KIF13A: variants seen among roughly 807,000 people sequenced by gnomAD.
The protein encoded by KIF13A is kinesin-like protein KIF13A.
In KIF13A, 79 loss-of-function variants were observed where a neutral mutation model predicts 212.2. That is an observed-to-expected ratio of 0.37 (90% CI 0.31 to 0.45). The LOEUF (loss-of-function observed/expected upper bound fraction) is 0.45. Among genes scored for constraint, KIF13A ranks in the 20% least tolerant of loss-of-function variants. The probability of loss-of-function intolerance (pLI) is 1.00; values close to 1 mark genes in which losing one functional copy is unlikely to be tolerated. For synonymous variants in KIF13A, 789 were observed against 808.6 expected (o/e 0.98, Z 0.41); for missense variants, 1,901 against 2,209.0 (o/e 0.86, Z 2.79).
chr6:17,805,560 G>T lies in KIF13A; in HGVS notation c.2219C>A (p.Thr740Asn). 6.2e-7 allele frequency: 1 copy of T among 1,613,228 alleles called. No homozygotes were observed. Among genetic ancestry groups the T allele is most frequent in the Non-Finnish European group, 8.5e-7 (1 of 1,179,504 alleles). ...AIQVRRKGKS[T>N]QVWTIEKLEN... Reference sequence around the variant, plus strand: ...CAGCTTCTCAATGGTCCACACTTGGGTGCTCTTTCCTTTCCTCCTCACTTG... The same window carrying T: ...CAGCTTCTCAATGGTCCACACTTGGTTGCTCTTTCCTTTCCTCCTCACTTG... Residue 740 changes from threonine to asparagine, a missense_variant, in exon 19 of 39, where the codon ACC (threonine) becomes AAC (asparagine). Coordinates refer to ENST00000259711, the MANE Select transcript of KIF13A (RefSeq NM_022113.6).
At chr6:17,869,924 T>C (rs1171097424) in intron 4 of KIF13A, among the ~76,000 whole-genome samples, 1 of 152,212 alleles carries the variant, frequency 6.6e-6, no homozygotes. Context: ...TCAGGAAATA[T>C]GTGCTTCCCC....
chr6:17,975,465 T>C (rs1404397143), intron 2 of KIF13A, among the ~76,000 whole-genome samples: 3 of 152,170 alleles, frequency 2.0e-5, no homozygotes, highest in Admixed American at 6.5e-5. Flanking sequence ...GCTACAGACC[T>C]TCAGCGGTGA....
chr6:17,938,226 C>T (rs1411070247), intron 2 of KIF13A, among the ~76,000 whole-genome samples: 1 of 152,078 alleles, frequency 6.6e-6, no homozygotes, highest in African/African-American at 2.4e-5. Context: ...GCAATTGCTA[C>T]ATTTAATGCA....
Position 17,839,611 on chromosome 6 carries a change from CCCTATTTGGAAA to C in KIF13A, c.831-2040_831-2029del, listed in dbSNP as rs967720313. ...TGTCCGCCAGACCCTCAGAATGTGA[CCCTATTTGGAAA>C]AAGGGTCCTTGCAGATGTAATCAGT... On this transcript the variant is annotated intron_variant, in intron 9 of 38. Transcript: ENST00000259711. The surrounding 1 kb of genome is among the most constrained non-coding windows in gnomAD (Gnocchi z 4.3). Among the ~76,000 whole-genome samples, 4 of 152,084 alleles carry C rather than the reference CCCTATTTGGAAA, an allele frequency of 2.6e-5. No homozygotes were observed. Among genetic ancestry groups the C allele is most frequent in the Non-Finnish European group, 5.9e-5 (4 of 68,012 alleles).
In KIF13A at chr6:17,769,498, T is replaced by A. The variant is rs1759306675; in HGVS notation, c.4581+1616A>T. Among the ~76,000 whole-genome samples the A allele has an allele frequency of 6.6e-6, 1 of 152,198 alleles. No homozygotes were observed. The highest frequency in any genetic ancestry group is 6.5e-5 in the Admixed American group (1 of 15,282). On this transcript the variant is annotated intron_variant, in intron 38 of 38. Transcript: ENST00000259711. This position sits in a 1 kb window ranked among gnomAD's most constrained non-coding sequence, Gnocchi z 5.8. ...AAGAGAATCTGGTTCCATCCTTCTCTCTGCTAGCTGAAAGCCCCGAGATGG... is the reference window on the plus strand; with the variant it reads ...AAGAGAATCTGGTTCCATCCTTCTCACTGCTAGCTGAAAGCCCCGAGATGG...
intron 2 of KIF13A, among the ~76,000 whole-genome samples, chr6:17,937,493 A>C (rs1055376389): frequency 4.6e-5 from 7 of 152,204 alleles, no homozygotes; most frequent in African/African-American, 1.7e-4. Context: ...CAGTAAATCT[A>C]ATTGTGTCGT....
At chr6:17,760,825 A>G (rs760595549), downstream of KIF13A, 51 of 1,612,550 alleles carry the variant, frequency 3.2e-5, no homozygotes, top group Non-Finnish European at 4.0e-5. Context: ...AAAGACGCCA[A>G]GCTGTGGCCT....
At chr6:17,813,555 G>C (rs1229028800) in intron 17 of KIF13A, among the ~76,000 whole-genome samples, 1 of 152,162 alleles carries the variant, frequency 6.6e-6, no homozygotes, top group Admixed American at 6.5e-5. Context: ...CAGATGAGCA[G>C]GTAGCTCCTG....
chr6:17,945,184 A>G (rs1269714609), intron 2 of KIF13A, among the ~76,000 whole-genome samples: 1 of 152,244 alleles, frequency 6.6e-6, no homozygotes, highest in Non-Finnish European at 1.5e-5. Flanking sequence ...AATACCATAC[A>G]GCAATAAGAA....
Position 17,787,837 on chromosome 6 carries a change from A to G in KIF13A, c.3300T>C (p.Asp1100=). 6.2e-7 allele frequency: 1 copy of G among 1,613,372 alleles called. No individual in the cohort carries two copies. The highest frequency in any genetic ancestry group is 8.5e-7 in the Non-Finnish European group (1 of 1,179,320). Reference sequence around the variant, plus strand: ...GGTATTCTCGTCGTTTAATGAGTGCATCTGACCACCTCTCCCTTACGCAGT... The same window carrying G: ...GGTATTCTCGTCGTTTAATGAGTGCGTCTGACCACCTCTCCCTTACGCAGT... ...DLNCVRERWS[D]ALIKRREYLD... is the part of the protein sequence containing the mutation. The change falls in exon 27 of 39, where the codon GAT becomes GAC. Residue 1100 remains aspartate, a synonymous_variant. Coordinates refer to ENST00000259711, the MANE Select transcript of KIF13A (RefSeq NM_022113.6). This position sits in a 1 kb window ranked among gnomAD's most constrained non-coding sequence, Gnocchi z 4.6.
intron 3 of KIF13A, among the ~76,000 whole-genome samples, chr6:17,887,708 T>C (rs1771671753): frequency 6.6e-6 from 1 of 152,156 alleles, no homozygotes; most frequent in Non-Finnish European, 1.5e-5. Context: ...TGATTCTTTT[T>C]TTGAGTCAGA....
At position 17,898,157 on chromosome 6, in the gene KIF13A, T is replaced by A; in HGVS notation, c.159+11A>T. ...GCCAGTATACATGCCAAATTTCATATTAGTGCTTACCTTGGGAGGTTTCCT... is the reference window on the plus strand; with the variant it reads ...GCCAGTATACATGCCAAATTTCATAATAGTGCTTACCTTGGGAGGTTTCCT... On this transcript the variant is annotated intron_variant, in intron 3 of 38. Transcript: ENST00000259711. This position sits in a 1 kb window ranked among gnomAD's most constrained non-coding sequence, Gnocchi z 5.2. 6.2e-7 allele frequency: 1 copy of A among 1,612,852 alleles called. No homozygotes were observed. The highest frequency in any genetic ancestry group is 8.5e-7 in the Non-Finnish European group (1 of 1,179,280).
chr6:17,885,779 A>G (rs1771486529), intron 3 of KIF13A, among the ~76,000 whole-genome samples: 5 of 152,238 alleles, frequency 3.3e-5, no homozygotes. Context: ...GTGGTGCATA[A>G]GCAATGAAGC....
intron 9 of KIF13A, among the ~76,000 whole-genome samples, chr6:17,846,611 A>AG (rs1299374837): frequency 6.6e-6 from 1 of 151,464 alleles, no homozygotes; most frequent in Non-Finnish European, 1.5e-5. Context: ...CTTTAAAAAA[A>AG]AAAAAAAAAA....
chr6:17,780,406 GT>G (rs1760457021), intron 31 of KIF13A, among the ~76,000 whole-genome samples: 1 of 152,184 alleles, frequency 6.6e-6, no homozygotes, highest in South Asian at 2.1e-4. Flanking sequence ...TTTTGTCCTG[GT>G]TTTGTCACTC....
At chr6:17,957,227 A>C (rs1778420328) in intron 2 of KIF13A, among the ~76,000 whole-genome samples, 3 of 151,992 alleles carry the variant, frequency 2.0e-5, no homozygotes, top group Admixed American at 1.3e-4. Flanking sequence ...ATATAACAAG[A>C]CCTCCATAAA....
intron 11 of KIF13A, among the ~76,000 whole-genome samples, chr6:17,835,212 A>G (rs1245497129): frequency 2.6e-4 from 4 of 15,194 alleles, no homozygotes; most frequent in African/African-American, 1.3e-3. Context: ...AAAAAAAAAA[A>G]AAAAAAAAAA....
At chr6:17,910,916 C>T (rs941031604) in intron 2 of KIF13A, among the ~76,000 whole-genome samples, 1 of 152,152 alleles carries the variant, frequency 6.6e-6, no homozygotes, top group African/African-American at 2.4e-5. Context: ...GCACCTGCCA[C>T]CATGCCCAGC....
chr6:17,962,461 T>C (rs1352250774), intron 2 of KIF13A, among the ~76,000 whole-genome samples: 2 of 152,114 alleles, frequency 1.3e-5, no homozygotes, highest in Non-Finnish European at 2.9e-5. Flanking sequence ...AGAAAATTTG[T>C]GCAGGCAAGT....
Sources: allele counts gnomAD v4.1 joint callset (sites outside exome capture counted in the v4.1 genomes callset), GRCh38; gene constraint gnomAD v4.1.1; non-coding constraint Gnocchi (gnomAD v3.1); transcripts MANE v1.5; gene names NCBI Gene and HGNC (gene_info 2026-07-23, HGNC 2026-07-21).